The following KCNB2 variants were observed in gnomAD, a reference collection of about 807,000 sequenced individuals.
The protein encoded by KCNB2 is delayed rectifier potassium channel protein.
Under a neutral mutation model 61.5 loss-of-function variants are expected in KCNB2, and 15 were observed. The observed-to-expected ratio is 0.24, with a 90% CI of 0.16 to 0.38. The LOEUF is 0.38. Ranked by LOEUF, KCNB2 falls within the 10% of genes least tolerant of loss-of-function variation. KCNB2 has a pLI of 1.00. For missense variants in KCNB2, 828 were observed against 1,125.2 expected, an observed-to-expected ratio of 0.74 and a Z score of 3.78; for synonymous variants, 457 against 446.0, an observed-to-expected ratio of 1.02 and a Z score of -0.31.
intron 2 of KCNB2, among the ~76,000 whole-genome samples, chr8:72,603,507 A>G (rs980051381): frequency 1.3e-5 from 2 of 152,038 alleles, no homozygotes; most frequent in Admixed American, 6.6e-5. Context: ...CACTCCCATA[A>G]CACTGTGCTT....
chr8:72,749,648 A>G (rs1808149212), intron 2 of KCNB2, among the ~76,000 whole-genome samples: 1 of 150,570 alleles, frequency 6.6e-6, no homozygotes, highest in African/African-American at 2.4e-5. Flanking sequence ...TTTACACCCA[A>G]AAAACCATGA....
At chr8:72,540,238 C>G (rs1315444204) in intron 1 of KCNB2, among the ~76,000 whole-genome samples, 1 of 151,940 alleles carries the variant, frequency 6.6e-6, no homozygotes, top group Non-Finnish European at 1.5e-5. Flanking sequence ...CTAATTAGTT[C>G]CTTTAAAACT....
At chr8:72,688,205 T>C (rs1806885288) in intron 2 of KCNB2, among the ~76,000 whole-genome samples, 1 of 152,212 alleles carries the variant, frequency 6.6e-6, no homozygotes, top group Non-Finnish European at 1.5e-5. Context: ...GTGTACCTAC[T>C]TGAAATCCTT....
chr8:72,641,808 A>C (rs1039222734), intron 2 of KCNB2, among the ~76,000 whole-genome samples: 5 of 152,136 alleles, frequency 3.3e-5, no homozygotes, highest in Non-Finnish European at 7.4e-5. Flanking sequence ...GTGAGGATCA[A>C]TAACATACTG....
At chr8:72,792,315 C>T (rs916897809) in intron 2 of KCNB2, among the ~76,000 whole-genome samples, 1 of 152,180 alleles carries the variant, frequency 6.6e-6, no homozygotes, top group African/African-American at 2.4e-5. Flanking sequence ...TTTTTCCCCA[C>T]CTCCCAAGCT....
At chr8:72,827,387 T>A (rs560151565) in intron 2 of KCNB2, among the ~76,000 whole-genome samples, 71 of 152,198 alleles carry the variant, frequency 4.7e-4, no homozygotes, top group African/African-American at 1.6e-3. Flanking sequence ...TAAACCAATA[T>A]ACTCTGCCAT....
At chr8:72,734,706 G>C (rs1211069267) in intron 2 of KCNB2, among the ~76,000 whole-genome samples, 1 of 152,154 alleles carries the variant, frequency 6.6e-6, no homozygotes, top group Non-Finnish European at 1.5e-5. Flanking sequence ...ACTACGTCTT[G>C]AAAGAGGAAA....
chr8:72,537,946 C>A (rs1269316053), intron 1 of KCNB2, 61 bp downstream of exon 1: 1 of 152,254 alleles, frequency 6.6e-6, no homozygotes, highest in Non-Finnish European at 1.5e-5. Flanking sequence ...TGAATCATCG[C>A]GGCAGCCTAG....
At chr8:72,573,629 A>G (rs551586667) in intron 2 of KCNB2, among the ~76,000 whole-genome samples, 1 of 71,450 alleles carries the variant, frequency 1.4e-5, no homozygotes, top group Non-Finnish European at 3.0e-5. Flanking sequence ...ACGCAGTGCT[A>G]TCCTCTACAT....
At chr8:72,832,019 C>T (rs1159197485) in intron 2 of KCNB2, among the ~76,000 whole-genome samples, 2 of 152,158 alleles carry the variant, frequency 1.3e-5, no homozygotes, top group Non-Finnish European at 2.9e-5. Context: ...TTGGGGAAAT[C>T]TTCAAATATA....
At chr8:72,552,684 G>T (rs1316989788) in intron 1 of KCNB2, among the ~76,000 whole-genome samples, 1 of 152,164 alleles carries the variant, frequency 6.6e-6, no homozygotes, top group Admixed American at 6.5e-5. Flanking sequence ...GTGTCTCCTA[G>T]GTACATCCTA....
chr8:72,700,726 AT>A (rs2128990964), intron 2 of KCNB2, among the ~76,000 whole-genome samples: 1 of 152,222 alleles, frequency 6.6e-6, no homozygotes, highest in Admixed American at 6.6e-5. Context: ...CCAGCATCCC[AT>A]TTTTGGGTAT....
chr8:72,762,809 A>C (rs536165931), intron 2 of KCNB2, among the ~76,000 whole-genome samples: 21 of 151,596 alleles, frequency 1.4e-4, no homozygotes, highest in Non-Finnish European at 2.9e-4. Context: ...CCATTTGAGC[A>C]CTGAAAAGCT....
chr8:72,619,278 C>G (rs1805676102), intron 2 of KCNB2: 1 of 618,278 alleles, frequency 1.6e-6, no homozygotes. Context: ...ATTCAGATAC[C>G]TGGAACCAGT....
intron 2 of KCNB2, among the ~76,000 whole-genome samples, chr8:72,645,671 G>A (rs149959950): frequency 8.1e-4 from 124 of 152,206 alleles, no homozygotes; most frequent in African/African-American, 2.8e-3. Context: ...TAAAGTGCCT[G>A]GTGACCTCAC....
chr8:72,688,503 T>G (rs1415995083), intron 2 of KCNB2, among the ~76,000 whole-genome samples: 4 of 152,064 alleles, frequency 2.6e-5, no homozygotes, highest in Admixed American at 6.5e-5. Context: ...GCCTTCATGA[T>G]AGTATTCACC....
At chr8:72,823,483 T>G (rs567565486) in intron 2 of KCNB2, among the ~76,000 whole-genome samples, 1 of 152,268 alleles carries the variant, frequency 6.6e-6, no homozygotes, top group African/African-American at 2.4e-5. Flanking sequence ...TTAATCGTGA[T>G]CTGAGTTCAG....
Position 72,783,430 on chromosome 8 carries a change from A to G in KCNB2, c.580-152505A>G, listed in dbSNP as rs139922346. Among the ~76,000 whole-genome samples the G allele has an allele frequency of 3.1e-3, 469 of 152,162 alleles. 1 individual carries two copies. Among genetic ancestry groups the G allele is most frequent in the African/African-American group, 9.3e-3 (385 of 41,508 alleles). ...CTGTTCTTCAAACTGCTAATCTCTC[A>G]GGCCCTTGAGTATGCAGGTTTCTCT... On this transcript the variant is annotated intron_variant, in intron 2 of 2. Transcript: ENST00000523207.
chr8:72,787,372 G>T (rs893878748), intron 2 of KCNB2, among the ~76,000 whole-genome samples: 1 of 152,064 alleles, frequency 6.6e-6, no homozygotes, highest in African/African-American at 2.4e-5. Context: ...GCTCCAGCCA[G>T]GGCAACAGAG....
Sources: gnomAD v4.1 joint callset for allele counts (sites outside exome capture counted in the v4.1 genomes callset) on GRCh38, gnomAD v4.1.1 for gene constraint, MANE v1.5 for transcripts, NCBI Gene and HGNC (gene_info 2026-07-23, HGNC 2026-07-21) for gene names.